The following PRKG1 variants were observed in gnomAD, a reference collection of about 807,000 sequenced individuals.
PRKG1 encodes the protein cGMP-dependent protein kinase 1.
PRKG1 carries 35 observed loss-of-function variants against 88.1 expected under a neutral mutation model. The observed-to-expected ratio is 0.40, with a 90% CI of 0.30 to 0.53. The LOEUF (loss-of-function observed/expected upper bound fraction) is 0.53. Ranked by LOEUF, PRKG1 falls within the 20% of genes least tolerant of loss-of-function variation. The pLI is 0.59. For synonymous variants in PRKG1, 303 were observed against 292.5 expected (o/e 1.04, Z -0.37); for missense variants, 540 against 839.8 (o/e 0.64, Z 4.41).
At chr10:52,186,234 G>A (rs2132741682) in intron 9 of PRKG1, among the ~76,000 whole-genome samples, 1 of 152,286 alleles carries the variant, frequency 6.6e-6, no homozygotes, top group Non-Finnish European at 1.5e-5. Context: ...CATGGTGGAA[G>A]GGAAAGGAGA....
chr10:51,932,896 A>T (rs1214503068), intron 5 of PRKG1, among the ~76,000 whole-genome samples: 1 of 152,086 alleles, frequency 6.6e-6, no homozygotes, highest in Non-Finnish European at 1.5e-5. Context: ...GAGAAAAAAA[A>T]ATGTATCTTA....
intron 5 of PRKG1, among the ~76,000 whole-genome samples, chr10:51,999,997 G>A (rs16925532): frequency 0.049 from 7,498 of 151,970 alleles, 447 homozygotes; most frequent in African/African-American, 0.15. Context: ...GCTTTTTAAT[G>A]TACTATGGAA....
chr10:51,340,734 C>T (rs1327387125), intron 2 of PRKG1, among the ~76,000 whole-genome samples: 2 of 152,060 alleles, frequency 1.3e-5, no homozygotes, highest in Non-Finnish European at 2.9e-5. Flanking sequence ...GAAAAACAGC[C>T]GAGGAGTTTT....
In PRKG1 at chr10:52,173,884, G is replaced by A. The variant is rs571286995; in HGVS notation, c.1076+11921G>A. On this transcript the variant is annotated intron_variant, in intron 9 of 17. Transcript: ENST00000373980. ...TTCTTAAAATGATGAATTTAAGACCGCTTTCAATTTAAGGACCTGGAAAAG... is the reference window on the plus strand; with the variant it reads ...TTCTTAAAATGATGAATTTAAGACCACTTTCAATTTAAGGACCTGGAAAAG... 2.5e-4 allele frequency among the ~76,000 whole-genome samples: 38 copies of A among 152,142 alleles called. No homozygotes were observed. In the South Asian group the frequency reaches 6.6e-3, roughly 27 times the overall value.
chr10:51,921,234 A>C (rs544066220), intron 5 of PRKG1, among the ~76,000 whole-genome samples: 42 of 152,250 alleles, frequency 2.8e-4, no homozygotes, highest in Middle Eastern at 3.4e-3. Context: ...GTATATAGGA[A>C]ATCAATTGAC....
chr10:51,683,285 A>C (rs1589193399), intron 3 of PRKG1, among the ~76,000 whole-genome samples: 1 of 152,088 alleles, frequency 6.6e-6, no homozygotes, highest in South Asian at 2.1e-4. Flanking sequence ...TTGTGCCACT[A>C]CTCCAGCCTC....
chr10:51,654,425 T>C (rs1245447296), intron 3 of PRKG1, among the ~76,000 whole-genome samples: 3 of 152,196 alleles, frequency 2.0e-5, no homozygotes, highest in East Asian at 1.9e-4. Context: ...TTGGTTACTG[T>C]AGCTTCGTCA....
chr10:51,628,956 A>C, intron 3 of PRKG1, among the ~76,000 whole-genome samples: 1 of 111,536 alleles, frequency 9.0e-6, no homozygotes, highest in African/African-American at 3.5e-5. Context: ...ACAGAGCGAG[A>C]CTCCGTCTCA....
intron 2 of PRKG1, among the ~76,000 whole-genome samples, chr10:51,416,619 A>G (rs148657239): frequency 6.6e-6 from 1 of 152,328 alleles, no homozygotes; most frequent in African/African-American, 2.4e-5. Flanking sequence ...AAACATGATA[A>G]TGCTTGCAAA....
chr10:52,030,036 T>C (rs1204976773), intron 5 of PRKG1, among the ~76,000 whole-genome samples: 1 of 152,200 alleles, frequency 6.6e-6, no homozygotes, highest in Admixed American at 6.5e-5. Flanking sequence ...CTGAACTAGT[T>C]TCCTTACTCT....
At chr10:51,751,744 TTG>T (rs1419696810) in intron 3 of PRKG1, among the ~76,000 whole-genome samples, 1 of 152,184 alleles carries the variant, frequency 6.6e-6, no homozygotes, top group Non-Finnish European at 1.5e-5. Context: ...CCAGCAGATC[TTG>T]TAGTTTAATA....
Position 51,307,137 on chromosome 10 carries a change from ATATAT to A in PRKG1, c.478+153813_478+153817del, listed in dbSNP as rs1237427110. On this transcript the variant is annotated intron_variant, in intron 2 of 17. Coordinates refer to ENST00000373980, the MANE Select transcript of PRKG1 (RefSeq NM_006258.4). ...GATAATGCATTATTATACAGTGTTA[ATATAT>A]TATATATTATTAATATAATGCATAA... 2.6e-5 allele frequency among the ~76,000 whole-genome samples: 4 copies of A among 152,026 alleles called. No individual in the cohort carries two copies. In the East Asian group the frequency reaches 5.8e-4, roughly 22 times the overall value.
intron 5 of PRKG1, among the ~76,000 whole-genome samples, chr10:51,948,712 A>G (rs1487343329): frequency 6.6e-6 from 1 of 152,202 alleles, no homozygotes; most frequent in African/African-American, 2.4e-5. Flanking sequence ...TTTGAAGGCT[A>G]TCATCACCAC....
At chr10:52,189,959 T>C (rs1355196024) in intron 9 of PRKG1, among the ~76,000 whole-genome samples, 1 of 152,214 alleles carries the variant, frequency 6.6e-6, no homozygotes, top group Admixed American at 6.5e-5. Flanking sequence ...AAAGCATTGA[T>C]AATCCTATAA....
intron 9 of PRKG1, among the ~76,000 whole-genome samples, chr10:52,215,260 G>C (rs1840081435): frequency 6.6e-6 from 1 of 151,926 alleles, no homozygotes; most frequent in South Asian, 2.1e-4. Context: ...CGGGCATGGT[G>C]GTGGGCACCT....
chr10:51,916,660 T>G (rs1842346319), intron 5 of PRKG1, among the ~76,000 whole-genome samples: 1 of 152,224 alleles, frequency 6.6e-6, no homozygotes, highest in African/African-American at 2.4e-5. Flanking sequence ...CTAGCAATTC[T>G]GCTCCTAGGT....
chr10:52,029,898 T>G (rs1412069630), intron 5 of PRKG1, among the ~76,000 whole-genome samples: 2 of 152,098 alleles, frequency 1.3e-5, no homozygotes, highest in African/African-American at 2.4e-5. Flanking sequence ...GTATGCCAGC[T>G]TAAACCTGAC....
intron 3 of PRKG1, among the ~76,000 whole-genome samples, chr10:51,764,584 A>G (rs953178840): frequency 6.6e-6 from 1 of 152,138 alleles, no homozygotes; most frequent in African/African-American, 2.4e-5. Flanking sequence ...AGTTCCCTGG[A>G]TCTAAATTTC....
intron 3 of PRKG1, among the ~76,000 whole-genome samples, chr10:51,678,980 T>C (rs1302706047): frequency 6.6e-6 from 1 of 152,242 alleles, no homozygotes; most frequent in African/African-American, 2.4e-5. Context: ...TTAGGATTCA[T>C]TCATTTATAG....
Sources: allele counts gnomAD v4.1 joint callset (sites outside exome capture counted in the v4.1 genomes callset), GRCh38; gene constraint gnomAD v4.1.1; transcripts MANE v1.5; gene names NCBI Gene and HGNC (gene_info 2026-07-23, HGNC 2026-07-21).